The following FERMT2 variants were observed in gnomAD, a reference collection of about 807,000 sequenced individuals.
FERMT2 encodes fermitin family homolog 2.
A neutral mutation model predicts 82.7 loss-of-function variants in FERMT2; 15 were observed. That is an observed-to-expected ratio of 0.18 (90% CI 0.12 to 0.28). The LOEUF (loss-of-function observed/expected upper bound fraction) is 0.28, where lower values mean the gene tolerates loss of function less well. Among genes scored for constraint, FERMT2 ranks in the 10% least tolerant of loss-of-function variants. FERMT2 has a pLI of 1.00. For synonymous variants in FERMT2, 274 were observed against 271.5 expected, an observed-to-expected ratio of 1.01 and a Z score of -0.09; for missense variants, 645 against 809.4, an observed-to-expected ratio of 0.80 and a Z score of 2.46.
chr14:52,943,444 G>A (rs984537103), intron 2 of FERMT2, among the ~76,000 whole-genome samples: 1 of 151,996 alleles, frequency 6.6e-6, no homozygotes, highest in Non-Finnish European at 1.5e-5. Flanking sequence ...TATCAAAGGA[G>A]ATTAAGAGGC....
intron 3 of FERMT2, among the ~76,000 whole-genome samples, chr14:52,899,391 C>T (rs991434785): frequency 6.6e-6 from 1 of 152,096 alleles, no homozygotes; most frequent in Non-Finnish European, 1.5e-5. Context: ...CAAGCGATTC[C>T]CCTGCCTCAG....
rs879917243 is a variant in FERMT2, at chr14:52,907,776, C to CA, written c.391+11346dup. Among the ~76,000 whole-genome samples, 235 of 143,608 alleles carry CA rather than the reference C, an allele frequency of 1.6e-3. 1 individual carries two copies. Among genetic ancestry groups the CA allele is most frequent in the South Asian group, 4.9e-3 (22 of 4,490 alleles). The allele number at this position is 143,608 out of a possible 152,430, so 94.2% of individuals were successfully genotyped here. ...TATAATCAAAACAACCACCCCCCAC[C>CA]AAAAAAAAAACCCCACCAAAAACCC... is the stretch of plus-strand genomic sequence containing the variant. On this transcript the variant is annotated intron_variant, in intron 3 of 14. Transcript: ENST00000341590.
intron 3 of FERMT2, among the ~76,000 whole-genome samples, chr14:52,909,718 G>T (rs1888206866): frequency 1.3e-5 from 2 of 152,082 alleles, no homozygotes; most frequent in South Asian, 2.1e-4. Flanking sequence ...AACCCGGGAG[G>T]TGGAGGCTGC....
At chr14:52,950,743 C>CA in intron 1 of FERMT2, 166 bp from the exon 2 acceptor site, 1 of 578,504 alleles carries the variant, frequency 1.7e-6, no homozygotes. Context: ...GAGGACCCTA[C>CA]GCCCCGCTCG....
intron 10 of FERMT2, among the ~76,000 whole-genome samples, chr14:52,868,127 G>A (rs2140076088): frequency 6.6e-6 from 1 of 151,860 alleles, no homozygotes; most frequent in South Asian, 2.1e-4. Flanking sequence ...TACCTCTCAT[G>A]TTAGCAGGAA....
intron 7 of FERMT2, among the ~76,000 whole-genome samples, chr14:52,877,833 A>C (rs1302965983): frequency 6.6e-6 from 1 of 152,134 alleles, no homozygotes; most frequent in Non-Finnish European, 1.5e-5. Context: ...GGCTGAACCT[A>C]GAATCCCGTC....
chr14:52,881,355 G>A lies in FERMT2; in HGVS notation c.641C>T (p.Ser214Leu). 7 of 1,614,008 alleles carry A rather than the reference G, an allele frequency of 4.3e-6. No homozygotes were observed. The highest frequency in any genetic ancestry group is 5.9e-6 in the Non-Finnish European group (7 of 1,180,014). The change falls in exon 5 of 15, where the codon TCA (serine) becomes TTA (leucine). Residue 214 changes from serine to leucine, a missense_variant. Ser to Leu is a moderately radical substitution (Grantham distance 145). Coordinates refer to ENST00000341590, the MANE Select transcript of FERMT2 (RefSeq NM_006832.3). ...AGCAAGTATACCAGGATTGCCTTCT[G>A]ACAAAGCACTGTCACCAAACCAAGC... is the stretch of plus-strand genomic sequence containing the variant. The part of the protein sequence containing the change: ...TSAWFGDSAL[S>L]EGNPGILAVS...
intron 3 of FERMT2, among the ~76,000 whole-genome samples, chr14:52,909,657 G>A (rs547245853): frequency 5.9e-5 from 9 of 152,218 alleles, no homozygotes; most frequent in South Asian, 2.1e-4. Flanking sequence ...GTGTGGTGGC[G>A]GGCACATGTA....
Position 52,919,124 on chromosome 14 carries a change from A to G in FERMT2, c.390T>C (p.Phe130=), listed in dbSNP as rs1439984704. ...AAGAAGAATTTATGTAATACTTACTAAAAGTCTTACAGATGTCAGAAACAG... is the reference window on the plus strand; with the variant it reads ...AAGAAGAATTTATGTAATACTTACTGAAAGTCTTACAGATGTCAGAAACAG... ...FKAVSDICKT[F]NIRHPEELSL... The change falls in exon 3 of 15, where the codon TTT becomes TTC. Residue 130 remains phenylalanine (F), a splice_region_variant and synonymous_variant. Coordinates refer to ENST00000341590, the MANE Select transcript of FERMT2 (RefSeq NM_006832.3). 6.9e-6 allele frequency: 11 copies of G among 1,585,522 alleles called. No individual in the cohort carries two copies. The highest frequency in any genetic ancestry group is 1.1e-5 in the South Asian group (1 of 90,458).
intron 2 of FERMT2, among the ~76,000 whole-genome samples, chr14:52,949,387 A>T (rs1167758453): frequency 6.8e-6 from 1 of 146,174 alleles, no homozygotes; most frequent in Admixed American, 7.1e-5. Context: ...TTAAAAAAAA[A>T]AAGAAAAAAA....
At chr14:52,919,096 T>C (rs1009577815) in intron 3 of FERMT2, 27 bp downstream of exon 3, 26 of 1,515,710 alleles carry the variant, frequency 1.7e-5, no homozygotes, top group Non-Finnish European at 2.4e-5. Context: ...TAACTCGTAT[T>C]TTAAGAAGAA....
At chr14:52,894,565 A>C (rs999994275) in intron 3 of FERMT2, among the ~76,000 whole-genome samples, 1 of 152,206 alleles carries the variant, frequency 6.6e-6, no homozygotes, top group Non-Finnish European at 1.5e-5. Context: ...TGGCTAAATG[A>C]TAAGACGTAC....
chr14:52,869,215 G>C (rs1235619610), intron 10 of FERMT2, among the ~76,000 whole-genome samples: 2 of 152,310 alleles, frequency 1.3e-5, no homozygotes, highest in South Asian at 2.1e-4. Flanking sequence ...CCGTGACTGA[G>C]AGAGGAAGGT....
At chr14:52,872,731 G>A in intron 10 of FERMT2, 68 bp downstream of exon 10, 1 of 1,535,006 alleles carries the variant, frequency 6.5e-7, no homozygotes, top group South Asian at 1.2e-5. Flanking sequence ...ATCCCAGCAA[G>A]TGGCTCATTG....
intron 3 of FERMT2, among the ~76,000 whole-genome samples, chr14:52,904,851 A>G (rs1887903192): frequency 6.6e-6 from 1 of 151,810 alleles, no homozygotes; most frequent in Non-Finnish European, 1.5e-5. Context: ...TAATGTAAAC[A>G]ATGACAGTGA....
chr14:52,872,826 T>C lies in FERMT2; in HGVS notation c.1246A>G (p.Thr416Ala), dbSNP rs369594200. 6.2e-7 allele frequency: 1 copy of C among 1,613,910 alleles called. No individual in the cohort carries two copies. Among genetic ancestry groups the C allele is most frequent in the Non-Finnish European group, 8.5e-7 (1 of 1,179,924 alleles). Reference sequence around the variant, plus strand: ...CTGAGGTTCATCTGATGAGCTGGTGTGCCACTGGATTCTTCTTTGCTCTTA... The same window carrying C: ...CTGAGGTTCATCTGATGAGCTGGTGCGCCACTGGATTCTTCTTTGCTCTTA... ...CYKSKEESSG[T>A]PAHQMNLRGC... The change falls in exon 10 of 15, where the codon ACA (threonine) becomes GCA (alanine). Residue 416 changes from threonine (T) to alanine (A), a missense_variant. Physicochemically the swap from Thr to Ala is moderately conservative, Grantham distance 58 (BLOSUM62 0). Coordinates refer to ENST00000341590, the MANE Select transcript of FERMT2 (RefSeq NM_006832.3).
intron 3 of FERMT2, among the ~76,000 whole-genome samples, chr14:52,913,260 T>C (rs1219010242): frequency 6.6e-6 from 1 of 152,236 alleles, no homozygotes; most frequent in Non-Finnish European, 1.5e-5. Context: ...TACTACATAG[T>C]ATCTTTTTGT....
intron 2 of FERMT2, among the ~76,000 whole-genome samples, chr14:52,927,207 T>C (rs1224820576): frequency 6.6e-6 from 1 of 152,092 alleles, no homozygotes; most frequent in Non-Finnish European, 1.5e-5. Flanking sequence ...GCTGAGTAAA[T>C]ATTGCTTAGT....
Position 52,858,216 on chromosome 14 carries a change from C to T in FERMT2, c.*161G>A, listed in dbSNP as rs1252955824. ...TATCATAACATGATAGATTAATAGTCGTGCTTGTTTAGTGCACATATTAAC... is the reference window on the plus strand; with the variant it reads ...TATCATAACATGATAGATTAATAGTTGTGCTTGTTTAGTGCACATATTAAC... On this transcript the variant is annotated 3_prime_UTR_variant, in exon 15 of 15. Transcript: ENST00000341590. 12 of 596,970 alleles carry T rather than the reference C, an allele frequency of 2.0e-5. No individual in the cohort carries two copies. Among genetic ancestry groups the T allele is most frequent in the East Asian group, 8.3e-5 (3 of 36,030 alleles). The allele number at this position is 596,970 out of a possible 1,614,324, so 37.0% of individuals were successfully genotyped here. A position where few individuals can be genotyped will look rare whatever the true frequency, so the allele number is the denominator to read the frequency against.
Sources: allele counts gnomAD v4.1 joint callset (sites outside exome capture counted in the v4.1 genomes callset), GRCh38; gene constraint gnomAD v4.1.1; transcripts MANE v1.5; gene names NCBI Gene and HGNC (gene_info 2026-07-23, HGNC 2026-07-21).